DAW1: variants seen among roughly 807,000 people sequenced by gnomAD.
DAW1 encodes the protein dynein assembly factor with WD repeat domains 1.
A neutral mutation model predicts 56.5 loss-of-function variants in DAW1; 47 were observed. The ratio of observed to expected loss-of-function variants is 0.83; its 90% CI spans 0.66 to 1.06. DAW1 has a LOEUF of 1.06. Ranked by LOEUF, DAW1 falls within the 50% of genes least tolerant of loss-of-function variation. The probability of loss-of-function intolerance (pLI) is 0.00; values close to 1 mark genes in which losing one functional copy is unlikely to be tolerated. For missense variants in DAW1, 505 were observed against 499.3 expected, an observed-to-expected ratio of 1.01 and a Z score of -0.11; for synonymous variants, 190 against 179.0, an observed-to-expected ratio of 1.06 and a Z score of -0.49.
In DAW1 at chr2:227,905,048, T is replaced by C; in HGVS notation, c.755+13T>C. On this transcript the variant is annotated intron_variant, in intron 8 of 12. Transcript: ENST00000309931. ...CTGATACTGGAAGGTAATTCTTAGT[T>C]CTTAAGAATTGTTTTAACCTGGATC... 1.2e-6 allele frequency: 2 copies of C among 1,605,160 alleles called. No individual in the cohort carries two copies. The highest frequency in any genetic ancestry group is 1.7e-6 in the Non-Finnish European group (2 of 1,173,926).
Position 227,871,861 on chromosome 2 carries a change from T to C in DAW1, c.40+132T>C, listed in dbSNP as rs142029416. On this transcript the variant is annotated intron_variant, in intron 1 of 12. Coordinates refer to ENST00000309931, the MANE Select transcript of DAW1 (RefSeq NM_178821.3). ...CAGGTGGGGCAGGAAGTCGGGCACT[T>C]CCCAACCTGTGCCCCTCATTCCTTC... 1.1e-3 allele frequency: 1,182 copies of C among 1,102,952 alleles called. 2 individuals are homozygous for C. Among genetic ancestry groups the C allele is most frequent in the Admixed American group, 1.8e-3 (81 of 44,130 alleles). The allele number at this position is 1,102,952 out of a possible 1,614,324, so 68.3% of individuals were successfully genotyped here.
At chr2:227,923,049 T>A (rs989211804) in intron 12 of DAW1, among the ~76,000 whole-genome samples, 1 of 152,200 alleles carries the variant, frequency 6.6e-6, no homozygotes, top group African/African-American at 2.4e-5. Flanking sequence ...GAATTTTTGT[T>A]ATTGTGCCTT....
intron 10 of DAW1, among the ~76,000 whole-genome samples, chr2:227,911,990 G>T (rs1326366393): frequency 6.6e-6 from 1 of 152,020 alleles, no homozygotes; most frequent in Non-Finnish European, 1.5e-5. Flanking sequence ...TCTTTCTCAT[G>T]ACCATATATC....
intron 10 of DAW1, among the ~76,000 whole-genome samples, chr2:227,916,157 C>A (rs1691948353): frequency 6.6e-6 from 1 of 152,072 alleles, no homozygotes; most frequent in African/African-American, 2.4e-5. Flanking sequence ...TACTGCTACA[C>A]TATATCTAAT....
intron 10 of DAW1, among the ~76,000 whole-genome samples, chr2:227,910,921 C>A (rs960183770): frequency 6.6e-6 from 1 of 151,998 alleles, no homozygotes; most frequent in Non-Finnish European, 1.5e-5. Context: ...TGTCATCACC[C>A]AGATACTTTT....
intron 11 of DAW1, among the ~76,000 whole-genome samples, chr2:227,921,042 G>T (rs142935839): frequency 1.3e-5 from 2 of 152,130 alleles, no homozygotes; most frequent in African/African-American, 2.4e-5. Context: ...ATCCTGACTC[G>T]TGTGTTCATC....
chr2:227,879,764 C>A (rs1690968344), intron 1 of DAW1, among the ~76,000 whole-genome samples: 1 of 152,024 alleles, frequency 6.6e-6, no homozygotes, highest in Non-Finnish European at 1.5e-5. Context: ...ATTATTACAT[C>A]ATTTATTGAA....
At chr2:227,904,840 C>G in intron 7 of DAW1, 89 bp from the exon 8 acceptor site, 5 of 1,282,638 alleles carry the variant, frequency 3.9e-6, no homozygotes, top group Non-Finnish European at 5.5e-6. Flanking sequence ...TCGGCCTTCT[C>G]CAGCATTTCC....
chr2:227,921,097 T>C (rs189407344), intron 11 of DAW1, among the ~76,000 whole-genome samples: 1 of 152,316 alleles, frequency 6.6e-6, no homozygotes, highest in African/African-American at 2.4e-5. Context: ...GCATCGTGCA[T>C]CTTTGGAAAG....
At chr2:227,905,777 C>T (rs930525344) in intron 8 of DAW1, among the ~76,000 whole-genome samples, 6 of 151,110 alleles carry the variant, frequency 4.0e-5, no homozygotes, top group Non-Finnish European at 5.9e-5. Context: ...GTTTTTGAGA[C>T]GGAGTCTCGC....
intron 10 of DAW1, among the ~76,000 whole-genome samples, chr2:227,910,944 A>G (rs924705339): frequency 6.6e-6 from 1 of 151,966 alleles, no homozygotes; most frequent in African/African-American, 2.4e-5. Context: ...TCTGCATCCA[A>G]TCATCCATGA....
chr2:227,885,415 TG>T lies in DAW1; in HGVS notation c.107del (p.Gly36ValfsTer9), dbSNP rs1691100968. 6.2e-7 allele frequency: 1 copy of T among 1,602,616 alleles called. No homozygotes were observed. Among genetic ancestry groups the T allele is most frequent in the Non-Finnish European group, 8.5e-7 (1 of 1,176,010 alleles). On this transcript the variant is annotated frameshift_variant, in exon 2 of 13. Coordinates refer to ENST00000309931, the MANE Select transcript of DAW1 (RefSeq NM_178821.3). LOFTEE classifies it high-confidence loss of function. Reference sequence around the variant, plus strand: ...CTAAGTCCATAGATTTGCTTGATCTTGGTCCCAGGTAAGTAAGCTGTAGGAT... The same window carrying T: ...CTAAGTCCATAGATTTGCTTGATCTTGTCCCAGGTAAGTAAGCTGTAGGAT... ...KTKSIDLLDL[G>X]PSTDVSALVE... is the part of the protein sequence containing the mutation.
At chr2:227,919,973 A>T (rs887072815) in intron 11 of DAW1, among the ~76,000 whole-genome samples, 7 of 152,180 alleles carry the variant, frequency 4.6e-5, no homozygotes, top group Admixed American at 3.9e-4. Flanking sequence ...GGTGGTCTCC[A>T]GGGCATGCAG....
At chr2:227,915,935 G>T (rs1297321109) in intron 10 of DAW1, among the ~76,000 whole-genome samples, 1 of 151,976 alleles carries the variant, frequency 6.6e-6, no homozygotes, top group East Asian at 1.9e-4. Flanking sequence ...AATTTATAAT[G>T]CTACAATGTT....
intron 8 of DAW1, among the ~76,000 whole-genome samples, chr2:227,905,580 T>A (rs1473855214): frequency 6.6e-6 from 1 of 152,192 alleles, no homozygotes; most frequent in East Asian, 1.9e-4. Flanking sequence ...AAGAAGGACC[T>A]TTCAGTTACT....
At chr2:227,911,171 T>A (rs1691805024) in intron 10 of DAW1, among the ~76,000 whole-genome samples, 1 of 149,942 alleles carries the variant, frequency 6.7e-6, no homozygotes, top group African/African-American at 2.4e-5. Context: ...AAGAATCATG[T>A]ATAGTTATAT....
In DAW1 at chr2:227,891,291, G is replaced by C; in HGVS notation, c.295G>C (p.Ala99Pro). ...ACATATATTGCCACTGACTAATGTT[G>C]CACTTAACAAATCGGGCTCATGGTA... The part of the protein sequence containing the change: ...KAHILPLTNV[A>P]LNKSGSCFIT... The change falls in exon 4 of 13, where the codon GCA (alanine) becomes CCA (proline). Residue 99 changes from alanine (A) to proline (P), a missense_variant. Transcript: ENST00000309931. 2 of 1,613,264 alleles carry C rather than the reference G, an allele frequency of 1.2e-6. No homozygotes were observed. The highest frequency in any genetic ancestry group is 1.7e-6 in the Non-Finnish European group (2 of 1,179,696).
chr2:227,924,152 A>G lies in DAW1; in HGVS notation c.*184A>G. ...CATGACAAAGTTATGCCACTCCAAT[A>G]TTATTATTTGATGGCGATGGCAGGA... is the stretch of plus-strand genomic sequence containing the variant. On this transcript the variant is annotated 3_prime_UTR_variant, in exon 13 of 13. Coordinates refer to ENST00000309931, the MANE Select transcript of DAW1 (RefSeq NM_178821.3). The G allele has an allele frequency of 3.0e-6, 2 of 670,812 alleles. No homozygotes were observed. Among genetic ancestry groups the G allele is most frequent in the African/African-American group, 1.8e-5 (1 of 55,240 alleles). The allele number at this position is 670,812 out of a possible 1,614,324, so 41.6% of individuals were successfully genotyped here.
At chr2:227,897,240 G>A (rs1447784887) in intron 5 of DAW1, among the ~76,000 whole-genome samples, 1 of 152,118 alleles carries the variant, frequency 6.6e-6, no homozygotes, top group Non-Finnish European at 1.5e-5. Flanking sequence ...GGGTGGGTGA[G>A]TGTTTGCCAG....
Sources: gnomAD v4.1 joint callset for allele counts (sites outside exome capture counted in the v4.1 genomes callset) on GRCh38, gnomAD v4.1.1 for gene constraint, MANE v1.5 for transcripts, NCBI Gene and HGNC (gene_info 2026-07-23, HGNC 2026-07-21) for gene names.